Variants in SEL1L3 observed in about 807,000 individuals in gnomAD.
The protein encoded by SEL1L3 is protein sel-1 homolog 3.
In SEL1L3, 76 loss-of-function variants were observed where a neutral mutation model predicts 142.8. That is an observed-to-expected ratio of 0.53 (90% confidence interval 0.44 to 0.64). The LOEUF is 0.64. SEL1L3 is among the 30% of genes least tolerant of loss of function. SEL1L3 has a pLI of 0.00. For missense variants in SEL1L3, 1,262 were observed against 1,381.7 expected (o/e 0.91, Z 1.37); for synonymous variants, 504 against 519.6 (o/e 0.97, Z 0.41).
chr4:25,773,077 G>A (rs1043830409), intron 17 of SEL1L3, among the ~76,000 whole-genome samples: 2 of 152,202 alleles, frequency 1.3e-5, no homozygotes, highest in Non-Finnish European at 1.5e-5. Flanking sequence ...GATTACAGGC[G>A]TGCACCACCA....
In SEL1L3 at chr4:25,830,147, T is replaced by C; in HGVS notation, c.1108A>G (p.Thr370Ala). The change falls in exon 6 of 24, where the codon ACC becomes GCC. Residue 370 changes from threonine (T) to alanine (A), a missense_variant. Physicochemically the swap from Thr to Ala is moderately conservative, Grantham distance 58. Transcript: ENST00000399878. ...TTCAAATCCTGTCCAATGCTAGTGG[T>C]TACTACTATCTATGATGGGAGGGAT... ...ISFNGGQIVV[T>A]TSIGQDLKSY... The C allele has an allele frequency of 6.2e-7, 1 of 1,605,714 alleles. No homozygotes were observed. The highest frequency in any genetic ancestry group is 8.5e-7 in the Non-Finnish European group (1 of 1,172,570).
At chr4:25,814,351 G>T (rs895375290) in intron 9 of SEL1L3, among the ~76,000 whole-genome samples, 1 of 152,154 alleles carries the variant, frequency 6.6e-6, no homozygotes, top group Non-Finnish European at 1.5e-5. Flanking sequence ...TGAATGAAAG[G>T]TTGTGAGTGA....
the SEL1L3 span, chr4:25,719,449 C>T: frequency 2.6e-5 from 4 of 151,958 alleles, no homozygotes; most frequent in South Asian, 8.3e-4. Context: ...GTAGGGAAAT[C>T]AATATAGAAA....
rs1356396496 is a variant in SEL1L3 at position 25,822,014 on chromosome 4, G to T, written c.1272C>A (p.Arg424=). ...GACTCACCTGGGCGGGGTGCAGACTGCGAAGGCGATAGTACTTCAGGGGTC... is the reference window on the plus strand; with the variant it reads ...GACTCACCTGGGCGGGGTGCAGACTTCGAAGGCGATAGTACTTCAGGGGTC... ...FFGPLKYYRL[R]SLHPAQIFNP... The change falls in exon 7 of 24, where the codon CGC becomes CGA. Residue 424 remains arginine, a synonymous_variant. Transcript: ENST00000399878. 1.2e-6 allele frequency: 2 copies of T among 1,613,816 alleles called. No homozygotes were observed. The highest frequency in any genetic ancestry group is 1.1e-5 in the South Asian group (1 of 91,046).
intron 2 of SEL1L3, among the ~76,000 whole-genome samples, chr4:25,838,006 A>G (rs555396205): frequency 6.6e-6 from 1 of 152,278 alleles, no homozygotes; most frequent in East Asian, 1.9e-4. Flanking sequence ...GGCCTTACTT[A>G]TTCACTATTC....
rs1717912783 is a variant in SEL1L3 at position 25,755,715 on chromosome 4, T to A, written c.3259+1819A>T. Reference sequence around the variant, plus strand: ...AAGGCATGGAGACAGAAAAAAGAGATGACTTCTGATCAAAGCAATTCCACC... The same window carrying A: ...AAGGCATGGAGACAGAAAAAAGAGAAGACTTCTGATCAAAGCAATTCCACC... On this transcript the variant is annotated intron_variant, in intron 23 of 23. Transcript: ENST00000399878. Among the ~76,000 whole-genome samples, 2 of 152,102 alleles carry A rather than the reference T, an allele frequency of 1.3e-5. 1 individual carries two copies. Among genetic ancestry groups the A allele is most frequent in the Admixed American group, 1.3e-4 (2 of 15,270 alleles).
chr4:25,845,725 G>A (rs1245013016), intron 2 of SEL1L3, among the ~76,000 whole-genome samples: 1 of 151,162 alleles, frequency 6.6e-6, no homozygotes, highest in Non-Finnish European at 1.5e-5. Context: ...AAAACTTAGA[G>A]TGCATGTCCT....
chr4:25,775,262 A>G (rs1719535841), intron 17 of SEL1L3, among the ~76,000 whole-genome samples: 1 of 152,248 alleles, frequency 6.6e-6, no homozygotes, highest in East Asian at 1.9e-4. Flanking sequence ...GATGATGATA[A>G]TAAAAATTTG....
rs1341195753 is a variant in SEL1L3, at chr4:25,804,651, A to G, written c.1666T>C (p.Ser556Pro). The change falls in exon 10 of 24, where the codon TCT (serine) becomes CCT (proline). Residue 556 changes from serine (S) to proline (P), a missense_variant. Physicochemically the swap from Ser to Pro is moderately conservative, Grantham distance 74. Transcript: ENST00000399878. ...GAATCCGTCAGAAAGGGGACGATAGAGCTAATTTGGTGAAGACCATCAATG... is the reference window on the plus strand; with the variant it reads ...GAATCCGTCAGAAAGGGGACGATAGGGCTAATTTGGTGAAGACCATCAATG... ...SSIDGLHQISSIVPFLTDSSC... is the reference protein window; with the variant it reads ...SSIDGLHQISPIVPFLTDSSC... The G allele has an allele frequency of 6.2e-7, 1 of 1,613,716 alleles. No individual in the cohort carries two copies. Among genetic ancestry groups the G allele is most frequent in the Non-Finnish European group, 8.5e-7 (1 of 1,179,586 alleles).
chr4:25,834,754 T>C (rs1458404249), intron 3 of SEL1L3, among the ~76,000 whole-genome samples: 2 of 152,208 alleles, frequency 1.3e-5, no homozygotes, highest in Admixed American at 1.3e-4. Flanking sequence ...ATTTTCAGCA[T>C]CTTCAATTCA....
chr4:25,803,064 C>CTGTTCTGTT (rs1213568454), intron 10 of SEL1L3, among the ~76,000 whole-genome samples: 2 of 152,182 alleles, frequency 1.3e-5, no homozygotes, highest in Non-Finnish European at 2.9e-5. Flanking sequence ...CCTAAGTCCC[C>CTGTTCTGTT]TGTTCTGTTT....
At chr4:25,806,410 C>T (rs1034165652) in intron 9 of SEL1L3, among the ~76,000 whole-genome samples, 1 of 151,942 alleles carries the variant, frequency 6.6e-6, no homozygotes, top group African/African-American at 2.4e-5. Context: ...CAGGATTGAA[C>T]ACAGAAGAGT....
At chr4:25,752,821 A>G (rs986471994) in intron 23 of SEL1L3, among the ~76,000 whole-genome samples, 3 of 152,228 alleles carry the variant, frequency 2.0e-5, no homozygotes, top group African/African-American at 7.2e-5. Flanking sequence ...GGGTTTCACC[A>G]TGTTGGTCAG....
intron 1 of SEL1L3, among the ~76,000 whole-genome samples, chr4:25,851,283 T>C (rs1179839723): frequency 6.6e-6 from 1 of 152,196 alleles, no homozygotes; most frequent in Non-Finnish European, 1.5e-5. Flanking sequence ...CAATCAATTT[T>C]CAAACATTTC....
At chr4:25,776,822 A>C (rs1719664251) in intron 16 of SEL1L3, 1 of 147,326 alleles carries the variant, frequency 6.8e-6, no homozygotes, top group African/African-American at 2.5e-5. Context: ...AGCTAACAGA[A>C]GGGGAAGTAG....
intron 2 of SEL1L3, among the ~76,000 whole-genome samples, chr4:25,836,417 T>A (rs1428183942): frequency 6.6e-6 from 1 of 152,030 alleles, no homozygotes; most frequent in African/African-American, 2.4e-5. Context: ...GAGGCCAAAG[T>A]GGGCAGATCA....
At chr4:25,766,673 C>T (rs1237469353) in intron 19 of SEL1L3, among the ~76,000 whole-genome samples, 1 of 152,132 alleles carries the variant, frequency 6.6e-6, no homozygotes, top group Non-Finnish European at 1.5e-5. Flanking sequence ...ACCAGAGACC[C>T]AGAGCCTGGT....
chr4:25,765,418 C>G lies in SEL1L3; in HGVS notation c.2863G>C (p.Asp955His). The change falls in exon 20 of 24, where the codon GAC becomes CAC. Residue 955 changes from aspartate to histidine, a missense_variant. This residue lies in a region of SEL1L3 where 435 missense variants were observed against 559.2 expected (regional missense o/e 0.78). Transcript: ENST00000399878. ...TTTTGGTGGCCATAGTAGTAAAGGT[C>G]TCCCATCTTCAAATATGCTGCAGGA... ...APSFAYLKMG[D>H]LYYYGHQNQS... The G allele has an allele frequency of 1.2e-6, 2 of 1,610,478 alleles. No individual in the cohort carries two copies. The highest frequency in any genetic ancestry group is 1.7e-6 in the Non-Finnish European group (2 of 1,176,728).
chr4:25,726,294 C>A, the SEL1L3 span, among the ~76,000 whole-genome samples: 4 of 151,998 alleles, frequency 2.6e-5, no homozygotes, highest in African/African-American at 9.6e-5. Flanking sequence ...CTTTGTGAGG[C>A]CAAGGCGGGC....
Sources: allele counts gnomAD v4.1 joint callset (sites outside exome capture counted in the v4.1 genomes callset), GRCh38; gene constraint gnomAD v4.1.1; regional missense constraint gnomAD v4.1.1; transcripts MANE v1.5; gene names NCBI Gene and HGNC (gene_info 2026-07-23, HGNC 2026-07-21).